PALM2AKAP2: variants seen among roughly 807,000 people sequenced by gnomAD.
PALM2AKAP2 encodes the protein PALM2 and AKAP2 fusion, also known as PALM2-AKAP2 fusion protein.
A neutral mutation model predicts 71.5 loss-of-function variants in PALM2AKAP2; 37 were observed. That is an observed-to-expected ratio of 0.52 (90% CI 0.40 to 0.68). The LOEUF is 0.68. Among genes scored for constraint, PALM2AKAP2 ranks in the 30% least tolerant of loss-of-function variants. PALM2AKAP2 has a pLI of 0.00. For missense variants in PALM2AKAP2, 1,224 were observed against 1,191.8 expected (o/e 1.03, Z -0.40); for synonymous variants, 468 against 478.8 (o/e 0.98, Z 0.29).
At chr9:109,949,921 T>C (rs1328765095) in intron 6 of PALM2AKAP2, among the ~76,000 whole-genome samples, 2 of 152,146 alleles carry the variant, frequency 1.3e-5, no homozygotes, top group African/African-American at 4.8e-5. Context: ...TTGAGAAATA[T>C]ATATGAAACG....
Position 109,943,558 on chromosome 9 carries a change from A to C in PALM2AKAP2, c.496+11530A>C, listed in dbSNP as rs370923586. On this transcript the variant is annotated intron_variant, in intron 6 of 9. Transcript: ENST00000302798. ...CTTGCCTTGCAGTTGAATTGCTTTGATCTCTCTCATTTTTTTTCCTTTTCC... is the reference window on the plus strand; with the variant it reads ...CTTGCCTTGCAGTTGAATTGCTTTGCTCTCTCTCATTTTTTTTCCTTTTCC... 20 of 1,282,534 alleles carry C rather than the reference A, an allele frequency of 1.6e-5. No individual in the cohort carries two copies. In the African/African-American group the frequency reaches 1.9e-4, roughly 12 times the overall value. 79.4% of individuals were successfully genotyped at this position (1,282,534 alleles called of 1,614,324 possible).
At chr9:109,682,767 A>G (rs1467085772) in intron 1 of PALM2AKAP2, among the ~76,000 whole-genome samples, 1 of 152,238 alleles carries the variant, frequency 6.6e-6, no homozygotes, top group African/African-American at 2.4e-5. Flanking sequence ...TCGTTGGCGA[A>G]GCATCCTTTC....
intron 1 of PALM2AKAP2, among the ~76,000 whole-genome samples, chr9:109,822,771 A>T (rs1474685969): frequency 2.0e-5 from 3 of 152,126 alleles, no homozygotes; most frequent in Admixed American, 6.5e-5. Context: ...TCCACCATTG[A>T]TGGGCATTTG....
chr9:110,053,527 C>CAAAAAA (rs56132919), intron 1 of PALM2AKAP2, among the ~76,000 whole-genome samples: 21 of 82,824 alleles, frequency 2.5e-4, no homozygotes, highest in South Asian at 1.1e-3. Context: ...AACTCTGTCT[C>CAAAAAA]AAAAAAAAAA....
chr9:109,913,452 G>A (rs1830616632), intron 3 of PALM2AKAP2, among the ~76,000 whole-genome samples: 1 of 152,194 alleles, frequency 6.6e-6, no homozygotes, highest in Admixed American at 6.5e-5. Flanking sequence ...GACTTTGGAT[G>A]TGGCAGAGAT....
intron 7 of PALM2AKAP2, among the ~76,000 whole-genome samples, chr9:110,038,527 A>G (rs754722119): frequency 3.9e-5 from 6 of 152,110 alleles, no homozygotes; most frequent in Non-Finnish European, 8.8e-5. Context: ...GGCAACCTCA[A>G]GGTCACTGAT....
At chr9:109,715,373 A>G (rs986713661) in intron 1 of PALM2AKAP2, among the ~76,000 whole-genome samples, 1 of 152,312 alleles carries the variant, frequency 6.6e-6, no homozygotes, top group East Asian at 1.9e-4. Flanking sequence ...ACATTGAATT[A>G]TTCACTTCAG....
chr9:109,720,925 G>A (rs1828395784), intron 1 of PALM2AKAP2, among the ~76,000 whole-genome samples: 2 of 152,164 alleles, frequency 1.3e-5, no homozygotes, highest in Non-Finnish European at 1.5e-5. Flanking sequence ...CCCTTCCCTA[G>A]CGGAGTTTTA....
At chr9:110,100,589 C>G (rs1188674300) in intron 1 of PALM2AKAP2, among the ~76,000 whole-genome samples, 2 of 152,120 alleles carry the variant, frequency 1.3e-5, no homozygotes, top group African/African-American at 4.8e-5. Context: ...AGATGGAAAG[C>G]TCCTTGTATC....
intron 1 of PALM2AKAP2, among the ~76,000 whole-genome samples, chr9:110,081,655 T>A (rs1019444039): frequency 4.6e-5 from 7 of 152,158 alleles, no homozygotes; most frequent in African/African-American, 1.7e-4. Context: ...CCAAAGGCTC[T>A]TCCTGCCAGC....
intron 7 of PALM2AKAP2, among the ~76,000 whole-genome samples, chr9:110,033,932 G>A (rs1833332454): frequency 6.6e-6 from 1 of 152,148 alleles, no homozygotes; most frequent in South Asian, 2.1e-4. Flanking sequence ...ATGAACTCAT[G>A]ATATAGATAC....
chr9:109,810,497 G>A (rs534156961), intron 1 of PALM2AKAP2, among the ~76,000 whole-genome samples: 11 of 152,330 alleles, frequency 7.2e-5, no homozygotes, highest in Middle Eastern at 6.8e-3. Context: ...TTGTCCACTG[G>A]ATTTAGTAGC....
rs115452339 is a variant in PALM2AKAP2, at chr9:109,748,959, G to T, written c.6-31529G>T. 5.1e-3 allele frequency among the ~76,000 whole-genome samples: 771 copies of T among 152,278 alleles called. 10 individuals are homozygous for T. Among genetic ancestry groups the T allele is most frequent in the African/African-American group, 0.017 (726 of 41,532 alleles). On this transcript the variant is annotated intron_variant, in intron 1 of 6. Transcript: ENST00000374531. ...ATATTGGATTAAGGCCCACTCTGAT[G>T]ATCTCATTGTGACTTAATTGCCTCT...
intron 1 of PALM2AKAP2, among the ~76,000 whole-genome samples, chr9:109,808,470 C>T (rs1482861977): frequency 2.0e-5 from 3 of 152,146 alleles, no homozygotes; most frequent in Non-Finnish European, 4.4e-5. Context: ...TTCTAAGCAG[C>T]AAAGTGTTAA....
chr9:110,108,770 TG>T (rs1484619032), intron 1 of PALM2AKAP2, among the ~76,000 whole-genome samples: 1 of 152,106 alleles, frequency 6.6e-6, no homozygotes, highest in Non-Finnish European at 1.5e-5. Context: ...ATGGTTAAAA[TG>T]GCAAAATTTA....
intron 1 of PALM2AKAP2, among the ~76,000 whole-genome samples, chr9:110,063,393 C>T (rs1834005143): frequency 6.6e-6 from 1 of 151,240 alleles, no homozygotes; most frequent in African/African-American, 2.4e-5. Flanking sequence ...CTCCCAGTGT[C>T]TTCACATGGT....
chr9:109,969,782 T>TCACCC, intron 6 of PALM2AKAP2, among the ~76,000 whole-genome samples: 1 of 152,160 alleles, frequency 6.6e-6, no homozygotes, highest in South Asian at 2.1e-4. Flanking sequence ...TCCCACATCC[T>TCACCC]CACCCCACCC....
chr9:109,938,889 C>G (rs1831292212), intron 6 of PALM2AKAP2, among the ~76,000 whole-genome samples: 2 of 152,046 alleles, frequency 1.3e-5, no homozygotes, highest in Admixed American at 6.6e-5. Flanking sequence ...ATTAGCCAGG[C>G]TTGGTAGCAT....
chr9:110,166,604 G>A (rs983535250), intron 3 of PALM2AKAP2, among the ~76,000 whole-genome samples: 6 of 152,194 alleles, frequency 3.9e-5, no homozygotes, highest in Middle Eastern at 3.2e-3. Context: ...GTGAGTGACC[G>A]TGATATGCTT....
Sources: allele counts gnomAD v4.1 joint callset (sites outside exome capture counted in the v4.1 genomes callset), GRCh38; gene constraint gnomAD v4.1.1; transcripts MANE v1.5; gene names NCBI Gene and HGNC (gene_info 2026-07-23, HGNC 2026-07-21).